GLP2R: variants seen among roughly 807,000 people sequenced by gnomAD.
GLP2R encodes glucagon-like peptide 2 receptor.
In GLP2R, 59 loss-of-function variants were observed where a neutral mutation model predicts 68.2. The ratio of observed to expected loss-of-function variants is 0.87; its 90% CI spans 0.70 to 1.07. The LOEUF (loss-of-function observed/expected upper bound fraction) is 1.07, where lower values mean the gene tolerates loss of function less well. Ranked by LOEUF, GLP2R falls within the 50% of genes least tolerant of loss-of-function variation. The pLI is 0.00. For synonymous variants in GLP2R, 270 were observed against 265.4 expected, an observed-to-expected ratio of 1.02 and a Z score of -0.17; for missense variants, 548 against 677.4, an observed-to-expected ratio of 0.81 and a Z score of 2.12.
intron 7 of GLP2R, 66 bp from the exon 8 acceptor site, chr17:9,861,073 G>A: frequency 9.1e-7 from 1 of 1,097,310 alleles, no homozygotes; most frequent in Non-Finnish European, 1.4e-6. Flanking sequence ...CTCATCCGCT[G>A]TGGTGGGAGG....
chr17:9,861,533 C>A (rs2066987599), intron 8 of GLP2R, among the ~76,000 whole-genome samples: 1 of 152,136 alleles, frequency 6.6e-6, no homozygotes, highest in East Asian at 1.9e-4. Context: ...CCACTGAATG[C>A]TCATCAATAT....
intron 6 of GLP2R, among the ~76,000 whole-genome samples, chr17:9,858,830 TATTG>T (rs1335017401): frequency 6.6e-6 from 1 of 152,236 alleles, no homozygotes; most frequent in Non-Finnish European, 1.5e-5. Flanking sequence ...TCATTCCTGA[TATTG>T]ATTATTTGTA....
At position 9,842,670 on chromosome 17, in the gene GLP2R, C is replaced by T. The variant is rs576390669; in HGVS notation, c.504+54C>T. 2.8e-5 allele frequency: 44 copies of T among 1,598,302 alleles called. No homozygotes were observed. In the East Asian group the frequency reaches 3.4e-4, roughly 12 times the overall value. ...ATCCAGGGTCCAAACCACCCTCCTTCGGGACACCCCAGTGGCCTGCTGGCT... is the reference window on the plus strand; with the variant it reads ...ATCCAGGGTCCAAACCACCCTCCTTTGGGACACCCCAGTGGCCTGCTGGCT... On this transcript the variant is annotated intron_variant, in intron 4 of 12. Coordinates refer to ENST00000262441, the MANE Select transcript of GLP2R (RefSeq NM_004246.3).
chr17:9,852,117 A>G (rs1041214900), intron 4 of GLP2R, among the ~76,000 whole-genome samples: 7 of 150,654 alleles, frequency 4.6e-5, no homozygotes, highest in South Asian at 2.1e-4. Flanking sequence ...GGTTTGTTAC[A>G]TAAGTATACA....
At chr17:9,854,418 G>C in intron 4 of GLP2R, 77 bp from the exon 5 acceptor site, 5 of 853,416 alleles carry the variant, frequency 5.9e-6, no homozygotes, top group South Asian at 5.5e-5. Flanking sequence ...GCCCTTGGTG[G>C]CCCTGGGTGT....
chr17:9,862,102 C>T lies in GLP2R; in HGVS notation c.1056+12C>T, dbSNP rs1279737709. ...TGCTCTGTGTAACAGTAAGGACCAT[C>T]CCATCCACCTCTTTGTCTCGGAGCC... On this transcript the variant is annotated intron_variant, in intron 9 of 12. Coordinates refer to ENST00000262441, the MANE Select transcript of GLP2R (RefSeq NM_004246.3). The T allele has an allele frequency of 6.3e-7, 1 of 1,594,294 alleles. No homozygotes were observed. Among genetic ancestry groups the T allele is most frequent in the African/African-American group, 1.3e-5 (1 of 74,522 alleles).
intron 3 of GLP2R, among the ~76,000 whole-genome samples, chr17:9,838,129 C>A (rs2066750780): frequency 6.6e-6 from 1 of 152,112 alleles, no homozygotes; most frequent in Non-Finnish European, 1.5e-5. Flanking sequence ...TCGGAGGACT[C>A]TGAATGACTC....
chr17:9,872,647 G>T (rs2067105815), intron 10 of GLP2R, among the ~76,000 whole-genome samples: 1 of 152,206 alleles, frequency 6.6e-6, no homozygotes, highest in South Asian at 2.1e-4. Flanking sequence ...ATTCTACTTT[G>T]CTAAGGACTA....
chr17:9,862,054 G>A lies in GLP2R; in HGVS notation c.1020G>A (p.Trp340Ter), dbSNP rs1350377385. 4 of 1,613,650 alleles carry A rather than the reference G, an allele frequency of 2.5e-6. No individual in the cohort carries two copies. ...CWTTNGNKKI[W>*]WIIRGPMMLC... ...CAACAAATGGGAATAAGAAAATCTG[G>A]TGGATCATCCGAGGACCCATGATGC... Residue 340 changes from tryptophan to a stop codon, truncating the protein, a stop_gained, in exon 9 of 13, where the codon TGG becomes TGA. Transcript: ENST00000262441. LOFTEE classifies it high-confidence loss of function.
chr17:9,889,610 C>T lies in GLP2R; in HGVS notation c.1567C>T (p.Arg523Cys), dbSNP rs749400789. ...LGAQPQQDHA[R>C]WPRGSSLSEC... is the part of the protein sequence containing the mutation. ...CGCCCAGCCCCAACAGGACCATGCA[C>T]GCTGGCCCCGGGGCAGCAGCCTGTC... The change falls in exon 13 of 13, where the codon CGC becomes TGC. Residue 523 changes from arginine (R) to cysteine (C), a missense_variant. Transcript: ENST00000262441. 2.0e-5 allele frequency: 33 copies of T among 1,613,682 alleles called. No individual in the cohort carries two copies. Among genetic ancestry groups the T allele is most frequent in the Admixed American group, 3.3e-5 (2 of 59,992 alleles).
At chr17:9,873,556 C>CTTTTTTTTTTGTTTTTTTTT (rs2067115565) in intron 10 of GLP2R, among the ~76,000 whole-genome samples, 1 of 52,076 alleles carries the variant, frequency 1.9e-5, no homozygotes, top group Non-Finnish European at 3.4e-5. Context: ...TATGCATGGA[C>CTTTTTTTTTTGTTTTTTTTT]TTTTTTTTTT....
At chr17:9,866,778 A>G (rs1271663445) in intron 9 of GLP2R, 1 of 152,140 alleles carries the variant, frequency 6.6e-6, no homozygotes, top group Non-Finnish European at 1.5e-5. Flanking sequence ...CTGAACCAAT[A>G]TCTGCCTTCA....
chr17:9,871,923 C>T (rs2067098239), intron 10 of GLP2R, among the ~76,000 whole-genome samples: 1 of 152,014 alleles, frequency 6.6e-6, no homozygotes, highest in South Asian at 2.1e-4. Flanking sequence ...CAGAGTTTCA[C>T]CATGTTGGCC....
chr17:9,871,881 C>T (rs1414652841), intron 10 of GLP2R, among the ~76,000 whole-genome samples: 2 of 151,970 alleles, frequency 1.3e-5, no homozygotes, highest in East Asian at 3.9e-4. Flanking sequence ...CCTGCCACCA[C>T]GTCCGGCTAA....
At position 9,842,509 on chromosome 17, in the gene GLP2R, G is replaced by A. The variant is rs753536594; in HGVS notation, c.397G>A (p.Ala133Thr). 3 of 1,614,108 alleles carry A rather than the reference G, an allele frequency of 1.9e-6. No homozygotes were observed. Among genetic ancestry groups the A allele is most frequent in the Non-Finnish European group, 2.5e-6 (3 of 1,180,004 alleles). The change falls in exon 4 of 13, where the codon GCC (alanine) becomes ACC (threonine). Residue 133 changes from alanine (A) to threonine (T), a missense_variant. Coordinates refer to ENST00000262441, the MANE Select transcript of GLP2R (RefSeq NM_004246.3). The part of the protein sequence containing the change: ...PWWSEESSGR[A>T]YRHCLAQGTW... ...TTTACTTTCAGAGAGCTCAGGAAGG[G>A]CCTACAGACACTGCTTGGCTCAGGG... is the stretch of plus-strand genomic sequence containing the variant.
chr17:9,871,453 G>A (rs2067091916), intron 10 of GLP2R, among the ~76,000 whole-genome samples: 1 of 152,104 alleles, frequency 6.6e-6, no homozygotes, highest in Non-Finnish European at 1.5e-5. Flanking sequence ...TTGAAGAGAA[G>A]AGATTATTTG....
intron 4 of GLP2R, among the ~76,000 whole-genome samples, chr17:9,846,189 C>T (rs1266745680): frequency 6.6e-6 from 1 of 152,116 alleles, no homozygotes; most frequent in African/African-American, 2.4e-5. Context: ...TTAATACTAA[C>T]CTATTAGGTC....
chr17:9,842,168 A>C (rs1261542393), intron 3 of GLP2R, among the ~76,000 whole-genome samples: 1 of 152,100 alleles, frequency 6.6e-6, no homozygotes, highest in Non-Finnish European at 1.5e-5. Flanking sequence ...GAGATGCCCC[A>C]CCTAGCAAGC....
chr17:9,883,702 A>T (rs1002716041), intron 11 of GLP2R, among the ~76,000 whole-genome samples: 15 of 152,234 alleles, frequency 9.9e-5, no homozygotes, highest in Non-Finnish European at 2.1e-4. Context: ...CAGTGGTATA[A>T]AATATTCAGA....
Sources: allele counts gnomAD v4.1 joint callset (sites outside exome capture counted in the v4.1 genomes callset), GRCh38; gene constraint gnomAD v4.1.1; transcripts MANE v1.5; gene names NCBI Gene and HGNC (gene_info 2026-07-23, HGNC 2026-07-21).